NRXN2: variants seen among roughly 807,000 people sequenced by gnomAD.
NRXN2 encodes the protein neurexin 2, also known as neurexin-2-beta.
In NRXN2, 29 loss-of-function variants were observed where a neutral mutation model predicts 128.8. That is an observed-to-expected ratio of 0.23 (90% CI 0.17 to 0.31). NRXN2 has a LOEUF of 0.31. Among genes scored for constraint, NRXN2 ranks in the 10% least tolerant of loss-of-function variants. The pLI is 1.00. For synonymous variants in NRXN2, 1,098 were observed against 1,075.2 expected (o/e 1.02, Z -0.41); for missense variants, 1,881 against 2,452.6 (o/e 0.77, Z 4.92).
intron 6 of NRXN2, 90 bp from the exon 7 acceptor site, chr11:64,677,127 G>T: frequency 2.2e-6 from 2 of 909,100 alleles, no homozygotes; most frequent in Non-Finnish European, 3.4e-6. Flanking sequence ...GAAAAGAAAA[G>T]AAAAATAAAA....
chr11:64,651,982 C>T lies in NRXN2; in HGVS notation c.2536+53G>A. The T allele has an allele frequency of 6.2e-7, 1 of 1,603,582 alleles. No individual in the cohort carries two copies. Among genetic ancestry groups the T allele is most frequent in the South Asian group, 1.1e-5 (1 of 91,062 alleles). On this transcript the variant is annotated intron_variant, in intron 13 of 22. Coordinates refer to ENST00000265459, the MANE Select transcript of NRXN2 (RefSeq NM_015080.4). The surrounding 1 kb of genome is among the most constrained non-coding windows in gnomAD (Gnocchi z 5.9). ...GCAGTAGTCACCAAGTAGAACAGGG[C>T]CAAGCATAGGTCACTGGAGATGTGT...
At chr11:64,697,713 C>A (rs1242183084) in intron 3 of NRXN2, 62 bp downstream of exon 3, 2 of 1,600,092 alleles carry the variant, frequency 1.2e-6, no homozygotes, top group South Asian at 1.1e-5. Flanking sequence ...AACGACAGTC[C>A]CTCATGTAGG....
At chr11:64,697,882 G>C in intron 2 of NRXN2, 90 bp from the exon 3 acceptor site, 1 of 1,502,490 alleles carries the variant, frequency 6.7e-7, no homozygotes, top group Middle Eastern at 1.7e-4. Flanking sequence ...GGGGCTCCAA[G>C]GGGAGAGAGG....
intron 11 of NRXN2, among the ~76,000 whole-genome samples, chr11:64,658,409 A>C (rs1407205822): frequency 6.6e-6 from 1 of 152,090 alleles, no homozygotes; most frequent in East Asian, 1.9e-4. Context: ...CATTGACTAG[A>C]GTGTCTCCCA....
chr11:64,705,097 C>T (rs1270793077), intron 2 of NRXN2, among the ~76,000 whole-genome samples: 4 of 152,344 alleles, frequency 2.6e-5, no homozygotes, highest in Non-Finnish European at 4.4e-5. Context: ...AACACAGGAA[C>T]ACCCTCAGCA....
At chr11:64,709,180 G>T (rs1294810035) in intron 2 of NRXN2, among the ~76,000 whole-genome samples, 1 of 130,298 alleles carries the variant, frequency 7.7e-6, no homozygotes, top group Non-Finnish European at 1.6e-5. Context: ...CACAGAGCGA[G>T]ACTCCATCTC....
At chr11:64,659,943 G>A (rs574224253) in intron 11 of NRXN2, among the ~76,000 whole-genome samples, 1 of 152,294 alleles carries the variant, frequency 6.6e-6, no homozygotes, top group Non-Finnish European at 1.5e-5. Context: ...CACCCACTAG[G>A]CGTCAGCAAG....
At chr11:64,642,529 T>C (rs1392676754) in intron 17 of NRXN2, 1 of 1,606,268 alleles carries the variant, frequency 6.2e-7, no homozygotes, top group Non-Finnish European at 8.5e-7. Flanking sequence ...GCATCTACAG[T>C]GCCACTTACC....
rs758661966 is a variant in NRXN2 at position 64,622,814 on chromosome 11, GTGGTGGTAGTCTCCATGA to G, written c.4094_4111del (p.Ile1365_Thr1370del). On this transcript the variant is annotated inframe_deletion, in exon 21 of 23. Coordinates refer to ENST00000265459, the MANE Select transcript of NRXN2 (RefSeq NM_015080.4). This position sits in a 1 kb window ranked among gnomAD's most constrained non-coding sequence, Gnocchi z 4.3. The stretch of plus-strand genomic sequence containing the variant: ...CCGGCGCGTGGTGGTAGTGGCCATG[GTGGTGGTAGTCTCCATGA>G]TGGTGGTGGCCATGTCAGCCAGCAG... 6.2e-7 allele frequency: 1 copy of G among 1,612,826 alleles called. No homozygotes were observed. Among genetic ancestry groups the G allele is most frequent in the Non-Finnish European group, 8.5e-7 (1 of 1,179,972 alleles).
intron 2 of NRXN2, among the ~76,000 whole-genome samples, chr11:64,709,775 TCC>T (rs1212107457): frequency 6.6e-6 from 1 of 151,200 alleles, no homozygotes; most frequent in East Asian, 1.9e-4. Flanking sequence ...GACACAACCC[TCC>T]CCCTTTACCA....
intron 9 of NRXN2, among the ~76,000 whole-genome samples, chr11:64,666,140 T>C (rs2049819905): frequency 6.6e-6 from 1 of 151,986 alleles, no homozygotes; most frequent in African/African-American, 2.4e-5. Flanking sequence ...CTGCTGTCCA[T>C]ATCTACAGAA....
rs765465352 is a variant in NRXN2 at position 64,651,496 on chromosome 11, T to C, written c.2677A>G (p.Met893Val). 8 of 1,613,990 alleles carry C rather than the reference T, an allele frequency of 5.0e-6. No individual in the cohort carries two copies. The highest frequency in any genetic ancestry group is 5.9e-6 in the Non-Finnish European group (7 of 1,179,996). The change falls in exon 14 of 23, where the codon ATG becomes GTG. Residue 893 changes from methionine (M) to valine (V), a missense_variant. Met to Val is a conservative substitution (Grantham distance 21). Around this residue, in one of 7 missense-constraint regions of NRXN2, gnomAD observed 390 missense variants for 599.6 expected, o/e 0.65. Transcript: ENST00000265459. The surrounding 1 kb of genome is among the most constrained non-coding windows in gnomAD (Gnocchi z 5.9). ...ATGTCACCATCCTTGCACTGGTCCATGTAGGGCTGGCCATTGAACACGAGC... is the reference window on the plus strand; with the variant it reads ...ATGTCACCATCCTTGCACTGGTCCACGTAGGGCTGGCCATTGAACACGAGC... ...SGLVFNGQPYMDQCKDGDITY... is the reference protein window; with the variant it reads ...SGLVFNGQPYVDQCKDGDITY...
In NRXN2 at chr11:64,713,659, AGCG is replaced by A; in HGVS notation, c.38_40del (p.Pro13del). Reference sequence around the variant, plus strand: ...CAGCGCCAGCAGCAGCAGCAACAGCAGCGGCGGCGGTGTCGGCCGCCACCGGCT... The same window carrying A: ...CAGCGCCAGCAGCAGCAGCAACAGCAGCGGCGGTGTCGGCCGCCACCGGCT... On this transcript the variant is annotated inframe_deletion, in exon 2 of 23. Coordinates refer to ENST00000265459, the MANE Select transcript of NRXN2 (RefSeq NM_015080.4). 3 of 1,202,700 alleles carry A rather than the reference AGCG, an allele frequency of 2.5e-6. No individual in the cohort carries two copies. The highest frequency in any genetic ancestry group is 3.3e-4 in the Middle Eastern group (1 of 3,014). The allele number at this position is 1,202,700 out of a possible 1,614,324, so 74.5% of individuals were successfully genotyped here.
chr11:64,693,163 G>A (rs2054057922), intron 3 of NRXN2, among the ~76,000 whole-genome samples: 1 of 146,166 alleles, frequency 6.8e-6, no homozygotes, highest in Admixed American at 6.9e-5. Context: ...GGTGAGAGGG[G>A]TACAGGCAGA....
At chr11:64,613,747 C>T (rs1485930182) in intron 22 of NRXN2, among the ~76,000 whole-genome samples, 1 of 152,304 alleles carries the variant, frequency 6.6e-6, no homozygotes, top group East Asian at 1.9e-4. Context: ...ACAAATGTTA[C>T]TTTAACTAAT....
At chr11:64,722,231 C>A (rs964099771) in intron 1 of NRXN2, among the ~76,000 whole-genome samples, 1 of 151,334 alleles carries the variant, frequency 6.6e-6, no homozygotes, top group African/African-American at 2.4e-5. Context: ...GTCACCGCCC[C>A]CAGCGCATTC....
rs1363665801 is a variant in NRXN2, at chr11:64,635,060, G to A, written c.3585+211C>T. ...TGGAGAAATTCGAATCAGATGGGAGGGTGGATCTGGGAGTCTTGGTGAATA... is the reference window on the plus strand; with the variant it reads ...TGGAGAAATTCGAATCAGATGGGAGAGTGGATCTGGGAGTCTTGGTGAATA... On this transcript the variant is annotated intron_variant, in intron 18 of 22. Transcript: ENST00000265459. This position sits in a 1 kb window ranked among gnomAD's most constrained non-coding sequence, Gnocchi z 4.8. 6.6e-6 allele frequency among the ~76,000 whole-genome samples: 1 copy of A among 152,184 alleles called. No homozygotes were observed. Among genetic ancestry groups the A allele is most frequent in the African/African-American group, 2.4e-5 (1 of 41,424 alleles).
Position 64,648,346 on chromosome 11 carries a change from G to A in NRXN2, c.3284-8C>T. ...TGCAGGTGGTGCTGGGGCCTGGAAG[G>A]GGCAGGAGAAAGGAACACCCCTGGC... On this transcript the variant is annotated splice_region_variant and splice_polypyrimidine_tract_variant and intron_variant, in intron 16 of 22. Transcript: ENST00000265459. This position sits in a 1 kb window ranked among gnomAD's most constrained non-coding sequence, Gnocchi z 4.1. The A allele has an allele frequency of 1.9e-6, 3 of 1,614,132 alleles. No individual in the cohort carries two copies. Among genetic ancestry groups the A allele is most frequent in the South Asian group, 1.1e-5 (1 of 91,080 alleles).
At chr11:64,712,931 C>G (rs1353521212) in intron 2 of NRXN2, 39 bp downstream of exon 2, 1 of 1,487,642 alleles carries the variant, frequency 6.7e-7, no homozygotes, top group South Asian at 1.2e-5. Context: ...GCCCTCACCC[C>G]CGCGCCCAGG....
Sources: allele counts gnomAD v4.1 joint callset (sites outside exome capture counted in the v4.1 genomes callset), GRCh38; gene constraint gnomAD v4.1.1; regional missense constraint gnomAD v4.1.1; non-coding constraint Gnocchi (gnomAD v3.1); transcripts MANE v1.5; gene names NCBI Gene and HGNC (gene_info 2026-07-23, HGNC 2026-07-21).